The following IFT80 variants were observed in gnomAD, a reference collection of about 807,000 sequenced individuals.
IFT80 encodes intraflagellar transport protein 80 homolog.
Under a neutral mutation model 107.9 loss-of-function variants are expected in IFT80, and 79 were observed. The observed-to-expected ratio is 0.73, with a 90% CI of 0.61 to 0.88. The LOEUF (loss-of-function observed/expected upper bound fraction) is 0.88. Ranked by LOEUF, IFT80 falls within the 40% of genes least tolerant of loss-of-function variation. The pLI is 0.00. For synonymous variants in IFT80, 299 were observed against 300.9 expected (o/e 0.99, Z 0.07); for missense variants, 797 against 914.2 (o/e 0.87, Z 1.65).
chr3:160,296,702 C>T (rs1323179559), intron 12 of IFT80, among the ~76,000 whole-genome samples: 3 of 152,076 alleles, frequency 2.0e-5, no homozygotes, highest in Non-Finnish European at 4.4e-5. Flanking sequence ...TTCAACCTTA[C>T]TACATTGATA....
At position 160,277,330 on chromosome 3, in the gene IFT80, T is replaced by G; in HGVS notation, c.2075A>C (p.Asn692Thr). The change falls in exon 18 of 20, where the codon AAT becomes ACT. Residue 692 changes from asparagine (N) to threonine (T), a missense_variant. Coordinates refer to ENST00000326448, the MANE Select transcript of IFT80 (RefSeq NM_020800.3). The stretch of plus-strand genomic sequence containing the variant: ...CCTTTCCCAGTTGTAGAGATTAATA[T>G]TGATCTGGATTGCTTGATAAACAAG... ...AGLVYQAIQI[N>T]INLYNWERAL... The G allele has an allele frequency of 6.2e-7, 1 of 1,613,034 alleles. No individual in the cohort carries two copies. Among genetic ancestry groups the G allele is most frequent in the Non-Finnish European group, 8.5e-7 (1 of 1,179,814 alleles).
intron 1 of IFT80, among the ~76,000 whole-genome samples, chr3:160,396,747 A>C (rs1216761328): frequency 6.6e-6 from 1 of 152,196 alleles, no homozygotes; most frequent in African/African-American, 2.4e-5. Flanking sequence ...TTCTCTTTGT[A>C]ATTAAACTCT....
At chr3:160,328,817 G>C (rs1275448747) in intron 8 of IFT80, among the ~76,000 whole-genome samples, 1 of 152,152 alleles carries the variant, frequency 6.6e-6, no homozygotes, top group Admixed American at 6.6e-5. Flanking sequence ...AAAAAGGAAT[G>C]AGATCATGTC....
chr3:160,314,156 T>C (rs1274798422), intron 9 of IFT80, among the ~76,000 whole-genome samples: 2 of 152,206 alleles, frequency 1.3e-5, no homozygotes, highest in Non-Finnish European at 2.9e-5. Context: ...TCATCTTCAA[T>C]ATTACTCTAT....
chr3:160,270,039 C>T (rs1204332486), intron 18 of IFT80, among the ~76,000 whole-genome samples: 5 of 152,068 alleles, frequency 3.3e-5, no homozygotes, highest in African/African-American at 9.7e-5. Context: ...CTCATTCTGC[C>T]GCCCAGGCTG....
intron 5 of IFT80, among the ~76,000 whole-genome samples, chr3:160,371,536 G>A (rs887132039): frequency 2.6e-5 from 4 of 152,092 alleles, no homozygotes; most frequent in Admixed American, 1.3e-4. Context: ...CAACGCCCAC[G>A]GGCTCAGATG....
chr3:160,272,575 C>A (rs1713897519), intron 18 of IFT80, among the ~76,000 whole-genome samples: 1 of 152,038 alleles, frequency 6.6e-6, no homozygotes, highest in African/African-American at 2.4e-5. Context: ...TTGCTAAATT[C>A]TCTTCTTAAA....
chr3:160,295,820 A>T (rs1715929977), intron 12 of IFT80, among the ~76,000 whole-genome samples: 1 of 152,238 alleles, frequency 6.6e-6, no homozygotes, highest in African/African-American at 2.4e-5. Flanking sequence ...TAGTCTTCAA[A>T]GAAAAAAGGA....
intron 18 of IFT80, among the ~76,000 whole-genome samples, chr3:160,270,615 A>C (rs951524910): frequency 6.6e-6 from 1 of 152,198 alleles, no homozygotes; most frequent in African/African-American, 2.4e-5. Context: ...AAAGAATGTA[A>C]AGTTACTAGA....
chr3:160,269,054 C>A lies in IFT80; in HGVS notation c.2100-518G>T, dbSNP rs539974194. Among the ~76,000 whole-genome samples, 197 of 152,116 alleles carry A rather than the reference C, an allele frequency of 1.3e-3. 1 individual carries two copies. The highest frequency in any genetic ancestry group is 4.6e-3 in the African/African-American group (189 of 41,488). ...GACTAGCCTGGCCAACATGGCGAAA[C>A]CCTGTCTCTGCTAAAGATACAAAAA... On this transcript the variant is annotated intron_variant, in intron 18 of 19. Transcript: ENST00000326448.
At chr3:160,305,387 C>A (rs1716765615) in intron 10 of IFT80, among the ~76,000 whole-genome samples, 2 of 151,934 alleles carry the variant, frequency 1.3e-5, no homozygotes, top group African/African-American at 4.8e-5. Flanking sequence ...TTAGTGATTA[C>A]TAATTACTGA....
intron 8 of IFT80, among the ~76,000 whole-genome samples, chr3:160,340,363 T>A (rs2108332734): frequency 6.6e-6 from 1 of 152,272 alleles, no homozygotes; most frequent in East Asian, 1.9e-4. Flanking sequence ...TACCACAAAT[T>A]TAGAGCCTTA....
At chr3:160,353,466 T>G (rs892455641) in intron 8 of IFT80, among the ~76,000 whole-genome samples, 1 of 152,210 alleles carries the variant, frequency 6.6e-6, no homozygotes, top group Admixed American at 6.5e-5. Flanking sequence ...TGGCAAACAC[T>G]TTAGTCCATC....
At chr3:160,317,131 T>C (rs1333720092) in intron 9 of IFT80, among the ~76,000 whole-genome samples, 3 of 152,122 alleles carry the variant, frequency 2.0e-5, no homozygotes, top group African/African-American at 7.2e-5. Flanking sequence ...TTCACTTCTG[T>C]ATTCCTCATT....
At chr3:160,336,368 T>A (rs570500624) in intron 8 of IFT80, among the ~76,000 whole-genome samples, 1 of 152,336 alleles carries the variant, frequency 6.6e-6, no homozygotes, top group East Asian at 1.9e-4. Flanking sequence ...TTTGTTTCAT[T>A]TACTTTTGAG....
intron 8 of IFT80, among the ~76,000 whole-genome samples, chr3:160,322,538 TG>T (rs772694906): frequency 2.7e-4 from 41 of 152,158 alleles, no homozygotes; most frequent in Non-Finnish European, 1.5e-5. Flanking sequence ...TATAGTCCTT[TG>T]GGTATATACC....
At chr3:160,397,652 A>G (rs1559980595) in intron 1 of IFT80, among the ~76,000 whole-genome samples, 1 of 150,936 alleles carries the variant, frequency 6.6e-6, no homozygotes. Flanking sequence ...TCTGTTTTCT[A>G]TATTACATCT....
chr3:160,285,916 A>C (rs1190365104), intron 12 of IFT80, 48 bp from the exon 13 acceptor site: 1 of 1,330,276 alleles, frequency 7.5e-7, no homozygotes, highest in South Asian at 1.2e-5. Flanking sequence ...TAGAATTTTT[A>C]CTGGTAAAAT....
chr3:160,361,892 T>C (rs1721518293), intron 6 of IFT80, among the ~76,000 whole-genome samples: 1 of 152,104 alleles, frequency 6.6e-6, no homozygotes. Flanking sequence ...TAGAGGGAAA[T>C]TTATAGCACT....
Sources: allele counts gnomAD v4.1 joint callset (sites outside exome capture counted in the v4.1 genomes callset), GRCh38; gene constraint gnomAD v4.1.1; transcripts MANE v1.5; gene names NCBI Gene and HGNC (gene_info 2026-07-23, HGNC 2026-07-21).